RYR2: variants seen among roughly 807,000 people sequenced by gnomAD.
RYR2 encodes the protein cardiac muscle ryanodine receptor-calcium release channel.
Under a neutral mutation model 601.1 loss-of-function variants are expected in RYR2, and 227 were observed. The observed-to-expected ratio is 0.38, with a 90% confidence interval of 0.34 to 0.42. RYR2 has a LOEUF of 0.42. RYR2 is among the 10% of genes least tolerant of loss of function. The pLI is 1.00. For synonymous variants in RYR2, 2,223 were observed against 2,175.1 expected (o/e 1.02, Z -0.61); for missense variants, 4,646 against 6,156.5 (o/e 0.75, Z 8.21).
chr1:237,621,220 T>G (rs922343866), intron 38 of RYR2, among the ~76,000 whole-genome samples: 1 of 152,014 alleles, frequency 6.6e-6, no homozygotes, highest in African/African-American at 2.4e-5. Context: ...TAAAAGAAAT[T>G]GGACACATCA....
At chr1:237,215,851 G>C (rs1159225747) in intron 1 of RYR2, among the ~76,000 whole-genome samples, 1 of 152,100 alleles carries the variant, frequency 6.6e-6, no homozygotes. Context: ...TAAGCCTAGG[G>C]ACTGAACTTT....
intron 1 of RYR2, among the ~76,000 whole-genome samples, chr1:237,217,110 TG>T (rs1683277127): frequency 6.6e-6 from 1 of 152,094 alleles, no homozygotes; most frequent in Non-Finnish European, 1.5e-5. Flanking sequence ...CAAGGAAGGG[TG>T]GCTTTTCTGG....
chr1:237,631,802 G>C (rs1338085223), intron 42 of RYR2, among the ~76,000 whole-genome samples: 1 of 151,084 alleles, frequency 6.6e-6, no homozygotes, highest in Non-Finnish European at 1.5e-5. Flanking sequence ...TAATTTTTTT[G>C]TGTTTTTAGT....
At chr1:237,534,623 C>T (rs1006738320) in intron 25 of RYR2, among the ~76,000 whole-genome samples, 1 of 151,860 alleles carries the variant, frequency 6.6e-6, no homozygotes. Flanking sequence ...TAAAAATATA[C>T]TTCTAAATAG....
chr1:237,830,478 C>A, intron 102 of RYR2, 52 bp from the exon 103 acceptor site: 2 of 1,121,642 alleles, frequency 1.8e-6, no homozygotes, highest in South Asian at 1.2e-5. Flanking sequence ...TTGTGTTTTC[C>A]TTTTGTTTTG....
intron 1 of RYR2, among the ~76,000 whole-genome samples, chr1:237,146,443 T>G (rs1452741215): frequency 1.3e-5 from 2 of 152,202 alleles, no homozygotes; most frequent in Non-Finnish European, 2.9e-5. Context: ...CAAGAATCAC[T>G]GACACAGCTC....
intron 12 of RYR2, among the ~76,000 whole-genome samples, chr1:237,434,774 A>T (rs915326666): frequency 6.6e-6 from 1 of 152,162 alleles, no homozygotes; most frequent in African/African-American, 2.4e-5. Flanking sequence ...CAAATGTAAA[A>T]TATAAAACTT....
Position 237,548,481 on chromosome 1 carries a change from T to C in RYR2, c.2957T>C (p.Ile986Thr), listed in dbSNP as rs1670049700. The change falls in exon 26 of 105, where the codon ATC (isoleucine) becomes ACC (threonine). Residue 986 changes from isoleucine to threonine, a missense_variant. Physicochemically the swap from Ile to Thr is moderately conservative, Grantham distance 89. Coordinates refer to ENST00000366574, the MANE Select transcript of RYR2 (RefSeq NM_001035.3). Reference protein sequence around the residue: ...YKPAPMDLSFIKLTPSQEAMV... With the variant: ...YKPAPMDLSFTKLTPSQEAMV... Reference sequence around the variant, plus strand: ...CCTGCCCCTATGGACCTGAGCTTTATCAAACTCACCCCATCACAAGAAGCA... The same window carrying C: ...CCTGCCCCTATGGACCTGAGCTTTACCAAACTCACCCCATCACAAGAAGCA... 1 of 1,613,996 alleles carries C rather than the reference T, an allele frequency of 6.2e-7. No individual in the cohort carries two copies. Among genetic ancestry groups the C allele is most frequent in the Non-Finnish European group, 8.5e-7 (1 of 1,179,884 alleles).
rs186920687 is a variant in RYR2, at chr1:237,606,504, G to C, written c.4684-4258G>C. ...AGGCAATACCATTCAGGACATAGGC[G>C]TGGGCAAGGACTTCATGTCTAAAAC... On this transcript the variant is annotated intron_variant, in intron 35 of 104. Coordinates refer to ENST00000366574, the MANE Select transcript of RYR2 (RefSeq NM_001035.3). 4.5e-4 allele frequency among the ~76,000 whole-genome samples: 68 copies of C among 152,184 alleles called. No individual in the cohort carries two copies. In the East Asian group the frequency reaches 0.011, roughly 24 times the overall value.
chr1:237,511,834 GAAAAAA>G lies in RYR2; in HGVS notation c.2822+63_2822+68del, dbSNP rs71561879. Reference sequence around the variant, plus strand: ...TTCTATTTTCCAACCTGCCTTCCCTGAAAAAAAAAAAAAAAAAAAAAAAAACAGGTA... The same window carrying G: ...TTCTATTTTCCAACCTGCCTTCCCTGAAAAAAAAAAAAAAAAAAACAGGTA... On this transcript the variant is annotated intron_variant, in intron 24 of 104. Coordinates refer to ENST00000366574, the MANE Select transcript of RYR2 (RefSeq NM_001035.3). The G allele has an allele frequency of 0.012, 2,323 of 188,762 alleles. 13 individuals carry two copies. The highest frequency in any genetic ancestry group is 0.017 in the Non-Finnish European group (1,840 of 106,338). The allele number at this position is 188,762 out of a possible 1,614,324, so 11.7% of individuals were successfully genotyped here.
chr1:237,175,378 C>G (rs2148924890), intron 1 of RYR2, among the ~76,000 whole-genome samples: 1 of 152,216 alleles, frequency 6.6e-6, no homozygotes, highest in Admixed American at 6.5e-5. Flanking sequence ...AGATGCCAGT[C>G]TTCTGGAAGT....
intron 24 of RYR2, among the ~76,000 whole-genome samples, chr1:237,518,522 T>C (rs1184461888): frequency 6.6e-6 from 1 of 152,214 alleles, no homozygotes; most frequent in Non-Finnish European, 1.5e-5. Flanking sequence ...TTTGCCTTTC[T>C]GGGTCTAGCT....
Position 237,784,887 on chromosome 1 carries a change from A to G in RYR2, c.13175A>G (p.Lys4392Arg), listed in dbSNP as rs753733164. The change falls in exon 90 of 105, where the codon AAA (lysine) becomes AGA (arginine). Residue 4392 changes from lysine to arginine, a missense_variant. Physicochemically the swap from Lys to Arg is conservative, Grantham distance 26. Transcript: ENST00000366574. The surrounding 1 kb of genome is among the most constrained non-coding windows in gnomAD (Gnocchi z 7.1). ...CTGAAGAGAGAAGGAGGACAGTACA[A>G]ACTGATTCCTCATAATCCAAATGCT... ...LDLKREGGQY[K>R]LIPHNPNAGL... 150 of 1,613,180 alleles carry G rather than the reference A, an allele frequency of 9.3e-5. 3 individuals are homozygous for G. In the East Asian group the frequency reaches 3.3e-3, roughly 35 times the overall value.
intron 24 of RYR2, among the ~76,000 whole-genome samples, chr1:237,521,706 C>A (rs1438894182): frequency 2.0e-5 from 3 of 150,686 alleles, no homozygotes; most frequent in African/African-American, 7.3e-5. Flanking sequence ...GGTGACAGAG[C>A]GAGACTCCAT....
intron 79 of RYR2, among the ~76,000 whole-genome samples, chr1:237,738,371 C>T (rs1164068040): frequency 6.6e-6 from 1 of 152,042 alleles, no homozygotes; most frequent in Non-Finnish European, 1.5e-5. Flanking sequence ...AGTAACTACC[C>T]ATAAACCCAC....
chr1:237,506,055 C>T (rs1282647369), intron 22 of RYR2, among the ~76,000 whole-genome samples: 4 of 152,094 alleles, frequency 2.6e-5, no homozygotes, highest in African/African-American at 7.2e-5. Context: ...TGAATGCTGG[C>T]CCAGTTGGTG....
rs765876813 is a variant in RYR2, at chr1:237,792,368, T to TGTGTGCGCGC, written c.13782+50_13782+51insCGCGCGTGTG. ...AGGTACCTGTGTGTGTGTGTGTGTGTGTGTGTGTGTGTGCGTGTGTGTGTG... is the reference window on the plus strand; with the variant it reads ...AGGTACCTGTGTGTGTGTGTGTGTGTGTGTGCGCGCGTGTGTGTGTGTGCGTGTGTGTGTG... On this transcript the variant is annotated intron_variant, in intron 94 of 104. Transcript: ENST00000366574. 2.9e-3 allele frequency: 2,656 copies of TGTGTGCGCGC among 927,178 alleles called. 57 individuals carry two copies. The African/African-American group carries it at 0.053, about 19-fold the overall frequency. 57.4% of individuals were successfully genotyped at this position (927,178 alleles called of 1,614,324 possible).
At chr1:237,061,812 TG>T (rs1662929983) in intron 1 of RYR2, among the ~76,000 whole-genome samples, 1 of 152,100 alleles carries the variant, frequency 6.6e-6, no homozygotes, top group Non-Finnish European at 1.5e-5. Flanking sequence ...GTTTTTTTTT[TG>T]TATCTTCTTT....
intron 53 of RYR2, among the ~76,000 whole-genome samples, chr1:237,656,691 G>A (rs965268292): frequency 2.0e-5 from 3 of 152,158 alleles, no homozygotes; most frequent in Non-Finnish European, 4.4e-5. Flanking sequence ...TAGACACTTG[G>A]TAGTTATTAT....
Sources: gnomAD v4.1 joint callset for allele counts (sites outside exome capture counted in the v4.1 genomes callset) on GRCh38, gnomAD v4.1.1 for gene constraint, Gnocchi (gnomAD v3.1) non-coding constraint, MANE v1.5 for transcripts, NCBI Gene and HGNC (gene_info 2026-07-23, HGNC 2026-07-21) for gene names.